PHKA2: variants seen among roughly 807,000 people sequenced by gnomAD.
PHKA2 encodes phosphorylase kinase regulatory subunit alpha 2.
A neutral mutation model predicts 102.0 loss-of-function variants in PHKA2; 31 were observed. The observed-to-expected ratio is 0.30, with a 90% CI of 0.23 to 0.41. PHKA2 has a LOEUF of 0.41. PHKA2 is among the 10% of genes least tolerant of loss of function. PHKA2 has a pLI of 1.00. For synonymous variants in PHKA2, 455 were observed against 416.2 expected (o/e 1.09, Z -1.13); for missense variants, 858 against 1,023.1 (o/e 0.84, Z 2.20).
intron 14 of PHKA2, 83 bp downstream of exon 14, chrX:18,926,370 A>C (rs1265992842): frequency 1.3e-4 from 103 of 766,181 alleles, no homozygotes; most frequent in Non-Finnish European, 2.2e-5. Context: ...GAACTTACGT[A>C]TATCACAGTC....
intron 30 of PHKA2, 86 bp downstream of exon 30, chrX:18,897,077 T>C: frequency 9.6e-7 from 1 of 1,045,041 alleles, no homozygotes. Context: ...CAGGGCTGTG[T>C]GTTTGCTCGC....
intron 4 of PHKA2, 65 bp from the exon 5 acceptor site, chrX:18,948,891 A>G: frequency 1.4e-6 from 1 of 710,670 alleles, no homozygotes; most frequent in South Asian, 2.1e-5. Flanking sequence ...ACAAATTACA[A>G]ATATCACACT....
intron 1 of PHKA2, among the ~76,000 whole-genome samples, chrX:18,960,085 C>T (rs2048845876): frequency 8.9e-6 from 1 of 111,813 alleles, no homozygotes. Flanking sequence ...CTTGTTGGCT[C>T]CTGTTGATGA....
At chrX:18,943,176 C>T (rs1219523190) in intron 7 of PHKA2, among the ~76,000 whole-genome samples, 1 of 111,847 alleles carries the variant, frequency 8.9e-6, no homozygotes, top group Non-Finnish European at 1.9e-5. Flanking sequence ...CAATTGATGA[C>T]GTGCACTCTG....
At chrX:18,941,838 C>T (rs765336743) in intron 7 of PHKA2, among the ~76,000 whole-genome samples, 163 bp from the exon 8 acceptor site, 1 of 113,039 alleles carries the variant, frequency 8.8e-6, no homozygotes, top group South Asian at 3.6e-4. Flanking sequence ...ACTGTATATC[C>T]AGCCAATGAT....
chrX:18,954,490 G>T, intron 1 of PHKA2, 78 bp from the exon 2 acceptor site: 2 of 1,007,819 alleles, frequency 2.0e-6, no homozygotes, highest in Middle Eastern at 5.7e-4. Context: ...GTCCTAACAG[G>T]GTAGATGAGG....
chrX:18,943,203 A>G (rs2048521724), intron 7 of PHKA2, among the ~76,000 whole-genome samples: 1 of 111,546 alleles, frequency 9.0e-6, no homozygotes, highest in African/African-American at 3.3e-5. Context: ...AGAATCCTCC[A>G]ATCTGTATTA....
intron 31 of PHKA2, chrX:18,894,801 G>A (rs2047504006): frequency 5.2e-6 from 2 of 387,987 alleles, no homozygotes; most frequent in Non-Finnish European, 9.1e-6. Flanking sequence ...GTTTTTAGTT[G>A]GAGAAAAGGG....
chrX:18,951,926 AT>A (rs1372933280), intron 3 of PHKA2, among the ~76,000 whole-genome samples: 1 of 110,283 alleles, frequency 9.1e-6, no homozygotes, highest in Non-Finnish European at 1.9e-5. Context: ...TTAAAAAAAA[AT>A]GTTTTCTTCT....
chrX:18,949,555 AGAAG>A lies in PHKA2; in HGVS notation c.455-733_455-730del, dbSNP rs758820171. Among the ~76,000 whole-genome samples, 4 of 112,367 alleles carry A rather than the reference AGAAG, an allele frequency of 3.6e-5. No homozygotes were observed. In the South Asian group the frequency reaches 1.5e-3, roughly 42 times the overall value. On this transcript the variant is annotated intron_variant, in intron 4 of 32. Transcript: ENST00000379942. ...ACATTAGTTATAGTAGCAAAATAAA[AGAAG>A]GAAGGAATAGTTAAATTAATTATGG... is the stretch of plus-strand genomic sequence containing the variant.
intron 1 of PHKA2, among the ~76,000 whole-genome samples, chrX:18,980,308 T>G (rs1049929731): frequency 1.8e-5 from 2 of 112,641 alleles, no homozygotes; most frequent in Admixed American, 1.9e-4. Context: ...GTGAAGGGTC[T>G]GTGCTGAGGA....
chrX:18,969,727 TC>T (rs931407387), intron 1 of PHKA2, among the ~76,000 whole-genome samples: 6 of 111,467 alleles, frequency 5.4e-5, no homozygotes, highest in Non-Finnish European at 1.1e-4. Context: ...TCAGGGACCT[TC>T]GGGGATCTGG....
At chrX:18,895,014 AGAGCTAC>A in intron 31 of PHKA2, 117 bp downstream of exon 31, 1 of 680,356 alleles carries the variant, frequency 1.5e-6, no homozygotes, top group Non-Finnish European at 2.4e-6. Context: ...TAGACAGCTC[AGAGCTAC>A]AAATGGCCTG....
intron 22 of PHKA2, 73 bp downstream of exon 22, chrX:18,907,827 G>A: frequency 9.4e-7 from 1 of 1,064,021 alleles, no homozygotes; most frequent in Non-Finnish European, 1.3e-6. Context: ...GTATAACTGG[G>A]AGATTGGAAG....
At chrX:18,983,186 G>T (rs957306517) in intron 1 of PHKA2, among the ~76,000 whole-genome samples, 1 of 112,301 alleles carries the variant, frequency 8.9e-6, no homozygotes, top group African/African-American at 3.2e-5. Flanking sequence ...AATAAAAATA[G>T]TTCAGTGGTC....
chrX:18,915,574 T>C (rs1407977182), intron 19 of PHKA2: 2 of 101,352 alleles, frequency 2.0e-5, no homozygotes, highest in African/African-American at 7.2e-5. Context: ...GACAGTGTCT[T>C]GCTACGTTGC....
At chrX:18,934,968 C>T (rs1335803997) in intron 11 of PHKA2, among the ~76,000 whole-genome samples, 1 of 112,533 alleles carries the variant, frequency 8.9e-6, no homozygotes, top group East Asian at 2.8e-4. Context: ...CCCTGCCAGT[C>T]CTGTGGCCAT....
At chrX:18,963,443 A>C (rs1030685232) in intron 1 of PHKA2, among the ~76,000 whole-genome samples, 3 of 112,182 alleles carry the variant, frequency 2.7e-5, no homozygotes, top group African/African-American at 9.7e-5. Flanking sequence ...CCAGAGAATA[A>C]AGCCCACTCA....
At position 18,899,173 on chromosome X, in the gene PHKA2, C is replaced by A; in HGVS notation, c.3111G>T (p.Ala1037=). ...ASSSAHSSKS[A]RSSTPSSPTG... ...CACAATAATCCCGAGGCACTGTTAC[C>A]GCAGACTTGGAGGAATGCGCACTGC... The change falls in exon 29 of 33, where the codon GCG becomes GCT. Residue 1037 remains alanine (A), a splice_region_variant and synonymous_variant. Coordinates refer to ENST00000379942, the MANE Select transcript of PHKA2 (RefSeq NM_000292.3). 1 of 1,207,664 alleles carries A rather than the reference C, an allele frequency of 8.3e-7. No individual in the cohort carries two copies. Among genetic ancestry groups the A allele is most frequent in the Non-Finnish European group, 1.1e-6 (1 of 891,715 alleles).
Sources: gnomAD v4.1 joint callset for allele counts (sites outside exome capture counted in the v4.1 genomes callset) on GRCh38, gnomAD v4.1.1 for gene constraint, MANE v1.5 for transcripts, NCBI Gene and HGNC (gene_info 2026-07-23, HGNC 2026-07-21) for gene names.